Variants in TMEM19 observed in about 807,000 individuals in gnomAD.
The protein encoded by TMEM19 is transmembrane protein 19.
A neutral mutation model predicts 33.6 loss-of-function variants in TMEM19; 21 were observed. The ratio of observed to expected loss-of-function variants is 0.62; its 90% confidence interval spans 0.44 to 0.90. TMEM19 has a LOEUF of 0.90. TMEM19 is among the 40% of genes least tolerant of loss of function. The pLI is 0.00. For missense variants in TMEM19, 402 were observed against 401.8 expected (o/e 1.00, Z 0.00); for synonymous variants, 149 against 147.5 (o/e 1.01, Z -0.07).
chr12:71,687,107 C>T (rs1002570602), intron 1 of TMEM19, among the ~76,000 whole-genome samples: 5 of 151,974 alleles, frequency 3.3e-5, no homozygotes, highest in Non-Finnish European at 7.4e-5. Flanking sequence ...TCAAGTGATC[C>T]TCCCACCTGT....
At chr12:71,697,576 G>A in intron 4 of TMEM19, 42 bp downstream of exon 4, 1 of 1,534,344 alleles carries the variant, frequency 6.5e-7, no homozygotes, top group Non-Finnish European at 8.7e-7. Flanking sequence ...AGACACAGTT[G>A]GTGAGTCTTG....
intron 3 of TMEM19, 29 bp from the exon 4 acceptor site, chr12:71,697,251 G>A (rs774872782): frequency 1.3e-6 from 2 of 1,544,734 alleles, no homozygotes; most frequent in African/African-American, 1.9e-5. Flanking sequence ...GGAATCATTT[G>A]TTTGTCCTTT....
At chr12:71,700,763 A>G in intron 5 of TMEM19, 69 bp from the exon 6 acceptor site, 3 of 1,424,050 alleles carry the variant, frequency 2.1e-6, no homozygotes, top group South Asian at 1.6e-5. Context: ...AAAAAAAAAA[A>G]AAGAAAGAAA....
intron 2 of TMEM19, among the ~76,000 whole-genome samples, chr12:71,691,264 A>G (rs1301378809): frequency 1.3e-5 from 2 of 152,166 alleles, no homozygotes; most frequent in Non-Finnish European, 2.9e-5. Context: ...AGTTAACTAG[A>G]CATACTGATA....
At position 71,703,894 on chromosome 12, in the gene TMEM19, T is replaced by G. The variant is rs183921313; in HGVS notation, c.*2899T>G. Reference sequence around the variant, plus strand: ...TGTGTCTCTGTCCTTTTTTTTTTTTTTTGTTAAGTCTTACATGTATTTTAC... The same window carrying G: ...TGTGTCTCTGTCCTTTTTTTTTTTTGTTGTTAAGTCTTACATGTATTTTAC... On this transcript the variant is annotated 3_prime_UTR_variant, in exon 6 of 6. Coordinates refer to ENST00000266673, the MANE Select transcript of TMEM19 (RefSeq NM_018279.4). 3.7e-4 allele frequency: 88 copies of G among 239,768 alleles called. 1 individual carries two copies. The highest frequency in any genetic ancestry group is 2.1e-3 in the East Asian group (21 of 9,846). The allele number at this position is 239,768 out of a possible 1,614,324, so 14.9% of individuals were successfully genotyped here.
intron 4 of TMEM19, among the ~76,000 whole-genome samples, chr12:71,698,607 A>AAGAGAGAGAGAGAGAG: frequency 8.2e-6 from 1 of 121,278 alleles, no homozygotes; most frequent in East Asian, 2.9e-4. Flanking sequence ...TGTCTCTGAA[A>AAGAGAGAGAGAGAGAG]AGAGAGAGAG....
rs1312128105 is a variant in TMEM19 at position 71,696,702 on chromosome 12, A to G, written c.382+129A>G. 5 of 775,094 alleles carry G rather than the reference A, an allele frequency of 6.5e-6. No homozygotes were observed. The African/African-American group carries it at 9.1e-5, about 14-fold the overall frequency. 48.0% of individuals were successfully genotyped at this position (775,094 alleles called of 1,614,324 possible). The stretch of plus-strand genomic sequence containing the variant: ...TGCTCTGTTGCCCAGGCTGGAGTGC[A>G]CTGGCGCAATCTCGGCTCGCTGTAA... On this transcript the variant is annotated intron_variant, in intron 3 of 5. Coordinates refer to ENST00000266673, the MANE Select transcript of TMEM19 (RefSeq NM_018279.4).
Position 71,700,224 on chromosome 12 carries a change from A to G in TMEM19, c.848-608A>G, listed in dbSNP as rs376084227. On this transcript the variant is annotated intron_variant, in intron 5 of 5. Coordinates refer to ENST00000266673, the MANE Select transcript of TMEM19 (RefSeq NM_018279.4). ...TCAATAACTCTACACGCACACACAG[A>G]CAGTAAACATGTTTTTTAAAGAGTG... 2.0e-5 allele frequency among the ~76,000 whole-genome samples: 3 copies of G among 152,342 alleles called. No homozygotes were observed. The East Asian group carries it at 5.8e-4, about 29-fold the overall frequency.
In TMEM19 at chr12:71,689,638, G is replaced by C; in HGVS notation, c.178G>C (p.Val60Leu). Residue 60 changes from valine (V) to leucine (L), a missense_variant, in exon 2 of 6, where the codon GTT (valine) becomes CTT (leucine). Transcript: ENST00000266673. ...SPWRWLFSVV[V>L]PVLIVSNGLK... The stretch of plus-strand genomic sequence containing the variant: ...GTGGCGTTGGCTGTTTTCTGTTGTT[G>C]TTCCTGTTCTGATCGTCTCTAATGG... 6.2e-7 allele frequency: 1 copy of C among 1,613,990 alleles called. No homozygotes were observed. The highest frequency in any genetic ancestry group is 1.6e-4 in the Middle Eastern group (1 of 6,062).
intron 5 of TMEM19, 23 bp from the exon 6 acceptor site, chr12:71,700,809 A>G (rs1171744602): frequency 6.5e-7 from 1 of 1,533,630 alleles, no homozygotes; most frequent in Admixed American, 2.2e-5. Context: ...TTTCTATCTC[A>G]CTTGCTTCTT....
chr12:71,689,144 A>G (rs1881741451), intron 1 of TMEM19, among the ~76,000 whole-genome samples: 1 of 152,212 alleles, frequency 6.6e-6, no homozygotes, highest in South Asian at 2.1e-4. Flanking sequence ...TGCTCTGCCT[A>G]ACAATGTTTT....
chr12:71,689,794 A>T (rs899195754), intron 2 of TMEM19, 90 bp downstream of exon 2: 17 of 840,908 alleles, frequency 2.0e-5, no homozygotes, highest in Non-Finnish European at 3.0e-5. Context: ...AATATATGAG[A>T]CTGACTACAA....
Position 71,704,181 on chromosome 12 carries a change from C to A in TMEM19, c.*3186C>A. 4.7e-6 allele frequency: 1 copy of A among 213,214 alleles called. No individual in the cohort carries two copies. Among genetic ancestry groups the A allele is most frequent in the Non-Finnish European group, 1.0e-5 (1 of 100,020 alleles). 13.2% of individuals were successfully genotyped at this position (213,214 alleles called of 1,614,324 possible). On this transcript the variant is annotated 3_prime_UTR_variant, in exon 6 of 6. Coordinates refer to ENST00000266673, the MANE Select transcript of TMEM19 (RefSeq NM_018279.4). ...TTGAAAACTCATTAAATGGAGCCACCAAGAGACCAAAGAATTGATACAGCA... is the reference window on the plus strand; with the variant it reads ...TTGAAAACTCATTAAATGGAGCCACAAAGAGACCAAAGAATTGATACAGCA...
intron 2 of TMEM19, among the ~76,000 whole-genome samples, chr12:71,694,431 C>T (rs988594312): frequency 2.6e-5 from 4 of 152,216 alleles, no homozygotes; most frequent in Non-Finnish European, 5.9e-5. Flanking sequence ...AAGCCTCACT[C>T]TGTCATGTAC....
Position 71,701,304 on chromosome 12 carries a change from C to A in TMEM19, c.*309C>A, listed in dbSNP as rs1430982587. 2 of 188,508 alleles carry A rather than the reference C, an allele frequency of 1.1e-5. No individual in the cohort carries two copies. Among genetic ancestry groups the A allele is most frequent in the Non-Finnish European group, 2.2e-5 (2 of 92,240 alleles). 11.7% of individuals were successfully genotyped at this position (188,508 alleles called of 1,614,324 possible). A position where few individuals can be genotyped will look rare whatever the true frequency, so the allele number is the denominator to read the frequency against. On this transcript the variant is annotated 3_prime_UTR_variant, in exon 6 of 6. Coordinates refer to ENST00000266673, the MANE Select transcript of TMEM19 (RefSeq NM_018279.4). ...CTGAAAGTTCTTACATAATCAATGT[C>A]AAGTTTTGTCTTATTTTGTTTTGTT...
At chr12:71,698,553 T>A (rs1208971670) in intron 4 of TMEM19, among the ~76,000 whole-genome samples, 1 of 151,244 alleles carries the variant, frequency 6.6e-6, no homozygotes, top group Non-Finnish European at 1.5e-5. Context: ...CAGTAGGCTA[T>A]GATCACACCA....
rs769895313 is a variant in TMEM19 at position 71,697,470 on chromosome 12, A to G, written c.573A>G (p.Glu191=). The stretch of plus-strand genomic sequence containing the variant: ...CTGCTGGAGACACATGGGCTTCAGA[A>G]GTTGGCCCAGTTCTGAGTAAAAGTT... ...ACSAGDTWAS[E]VGPVLSKSSP... The change falls in exon 4 of 6, where the codon GAA becomes GAG. Residue 191 remains glutamate, a synonymous_variant. Transcript: ENST00000266673. The G allele has an allele frequency of 3.1e-6, 5 of 1,603,482 alleles. No individual in the cohort carries two copies.
Position 71,686,459 on chromosome 12 carries a change from T to G in TMEM19, c.-222T>G. 1 of 419,046 alleles carries G rather than the reference T, an allele frequency of 2.4e-6. No individual in the cohort carries two copies. The allele number at this position is 419,046 out of a possible 1,614,324, so 26.0% of individuals were successfully genotyped here. A position where few individuals can be genotyped will look rare whatever the true frequency, so the allele number is the denominator to read the frequency against. On this transcript the variant is annotated 5_prime_UTR_variant, in exon 1 of 6. Coordinates refer to ENST00000266673, the MANE Select transcript of TMEM19 (RefSeq NM_018279.4). ...ACCGTCCGCCGGGTTGCGCTCTGCT[T>G]TTGCGGTGAGGCGTTGACCACGCCC...
intron 5 of TMEM19, 100 bp downstream of exon 5, chr12:71,699,209 G>T: frequency 7.9e-7 from 1 of 1,260,576 alleles, no homozygotes; most frequent in South Asian, 1.3e-5. Context: ...CAAAGACACA[G>T]GGTGTTGAGG....
Sources: gnomAD v4.1 joint callset for allele counts (sites outside exome capture counted in the v4.1 genomes callset) on GRCh38, gnomAD v4.1.1 for gene constraint, MANE v1.5 for transcripts, NCBI Gene and HGNC (gene_info 2026-07-23, HGNC 2026-07-21) for gene names.